Variants in COL7A1 observed in about 807,000 individuals in gnomAD.
The protein encoded by COL7A1 is collagen type VII alpha 1 chain, also known as collagen alpha-1(VII) chain.
A neutral mutation model predicts 456.2 loss-of-function variants in COL7A1; 296 were observed. That is an observed-to-expected ratio of 0.65 (90% CI 0.59 to 0.71). The LOEUF (loss-of-function observed/expected upper bound fraction) is 0.71. Ranked by LOEUF, COL7A1 falls within the 30% of genes least tolerant of loss-of-function variation. The probability of loss-of-function intolerance (pLI) is 0.00; values close to 1 mark genes in which losing one functional copy is unlikely to be tolerated. For missense variants in COL7A1, 3,441 were observed against 4,017.2 expected, an observed-to-expected ratio of 0.86 and a Z score of 3.88; for synonymous variants, 1,464 against 1,525.9, an observed-to-expected ratio of 0.96 and a Z score of 0.95.
At position 48,584,039 on chromosome 3, in the gene COL7A1, T is replaced by TC; in HGVS notation, c.4219dup (p.Glu1407GlyfsTer9). On this transcript the variant is annotated frameshift_variant, in exon 38 of 119. Transcript: ENST00000681320. LOFTEE classifies it high-confidence loss of function. The stretch of plus-strand genomic sequence containing the variant: ...CACAACCTGTCCCTCACTTACCCGC[T>TC]CCCCACGATCGCCTTTGTCACCCTA... 1.9e-6 allele frequency: 3 copies of TC among 1,613,800 alleles called. No homozygotes were observed. Among genetic ancestry groups the TC allele is most frequent in the Non-Finnish European group, 2.5e-6 (3 of 1,179,964 alleles).
At position 48,583,419 on chromosome 3, in the gene COL7A1, C is replaced by A; in HGVS notation, c.4411G>T (p.Gly1471Ter). 1 of 1,614,164 alleles carries A rather than the reference C, an allele frequency of 6.2e-7. No homozygotes were observed. Among genetic ancestry groups the A allele is most frequent in the Non-Finnish European group, 8.5e-7 (1 of 1,180,012 alleles). Residue 1471 changes from glycine (G) to a stop codon, truncating the protein, a stop_gained, in exon 42 of 119, where the codon GGA (glycine) becomes TGA (stop). Coordinates refer to ENST00000681320, the MANE Select transcript of COL7A1 (RefSeq NM_000094.4). LOFTEE classifies it high-confidence loss of function. This position sits in a 1 kb window ranked among gnomAD's most constrained non-coding sequence, Gnocchi z 5.1. ...TTGGGGCCAATAGCTCCAGGAGGTC[C>A]CCGTGGGCCCTGGAAGGGATGAATT... ...PGSPGEQGPR[G>*]PPGAIGPKGD...
Position 48,574,659 on chromosome 3 carries a change from G to A in COL7A1, c.6393+18C>T. The A allele has an allele frequency of 6.2e-7, 1 of 1,613,908 alleles. No homozygotes were observed. The highest frequency in any genetic ancestry group is 8.5e-7 in the Non-Finnish European group (1 of 1,179,968). ...AGAAAGGAGGGGGACTCTATGGAAGGGTGGAGAGAGGCCTCACCCTGTCTC... is the reference window on the plus strand; with the variant it reads ...AGAAAGGAGGGGGACTCTATGGAAGAGTGGAGAGAGGCCTCACCCTGTCTC... On this transcript the variant is annotated intron_variant, in intron 78 of 118. Coordinates refer to ENST00000681320, the MANE Select transcript of COL7A1 (RefSeq NM_000094.4). The surrounding 1 kb of genome is among the most constrained non-coding windows in gnomAD (Gnocchi z 5.0).
intron 18 of COL7A1, 22 bp from the exon 19 acceptor site, chr3:48,589,017 G>A (rs757457870): frequency 1.2e-6 from 2 of 1,613,152 alleles, no homozygotes; most frequent in Non-Finnish European, 1.7e-6. Flanking sequence ...GGCAAGGTAA[G>A]GGGTCCTGGT....
rs2045567155 is a variant in COL7A1, at chr3:48,589,836, A to T, written c.2051-118T>A. 2.1e-6 allele frequency: 3 copies of T among 1,444,994 alleles called. No individual in the cohort carries two copies. The African/African-American group carries it at 4.2e-5, about 20-fold the overall frequency. The allele number at this position is 1,444,994 out of a possible 1,614,324, so 89.5% of individuals were successfully genotyped here. On this transcript the variant is annotated intron_variant, in intron 16 of 118. Coordinates refer to ENST00000681320, the MANE Select transcript of COL7A1 (RefSeq NM_000094.4). ...CGGGAATTTGATAGAGGAGATGGTG[A>T]ATAGGTCCAGTGGAGGAGTGGGGAG...
Position 48,583,853 on chromosome 3 carries a change from C to A in COL7A1, c.4278+47G>T. On this transcript the variant is annotated intron_variant, in intron 39 of 118. Transcript: ENST00000681320. This position sits in a 1 kb window ranked among gnomAD's most constrained non-coding sequence, Gnocchi z 5.1. ...CACCCAACCACTGCCCCAGGAGAGA[C>A]CCACACCCCTGAGCAGGGCCCCCAG... 1 of 1,613,390 alleles carries A rather than the reference C, an allele frequency of 6.2e-7. No individual in the cohort carries two copies. Among genetic ancestry groups the A allele is most frequent in the Non-Finnish European group, 8.5e-7 (1 of 1,179,570 alleles).
rs774364814 is a variant in COL7A1, at chr3:48,587,416, T to G, written c.2992+4A>C. ...GCCCACCCAAATCCTGGCCTCCCCCTCACCCTGGCCAGGGCCTCTGAGTGG... is the reference window on the plus strand; with the variant it reads ...GCCCACCCAAATCCTGGCCTCCCCCGCACCCTGGCCAGGGCCTCTGAGTGG... On this transcript the variant is annotated splice_donor_region_variant and intron_variant, in intron 23 of 118. Coordinates refer to ENST00000681320, the MANE Select transcript of COL7A1 (RefSeq NM_000094.4). The surrounding 1 kb of genome is among the most constrained non-coding windows in gnomAD (Gnocchi z 6.1). 4 of 1,613,150 alleles carry G rather than the reference T, an allele frequency of 2.5e-6. No individual in the cohort carries two copies. In the South Asian group the frequency reaches 3.3e-5, roughly 13 times the overall value.
chr3:48,564,306 C>G lies in COL7A1; in HGVS notation c.*100G>C. The G allele has an allele frequency of 1.4e-6, 2 of 1,413,136 alleles. No homozygotes were observed. The highest frequency in any genetic ancestry group is 2.0e-6 in the Non-Finnish European group (2 of 999,974). The allele number at this position is 1,413,136 out of a possible 1,614,324, so 87.5% of individuals were successfully genotyped here. ...TAACGGACGTGCACACGCACGCTCA[C>G]GTGCACACAAGCCTCTAGCACCAAG... is the stretch of plus-strand genomic sequence containing the variant. On this transcript the variant is annotated 3_prime_UTR_variant, in exon 119 of 119. Transcript: ENST00000681320. This position sits in a 1 kb window ranked among gnomAD's most constrained non-coding sequence, Gnocchi z 6.0.
In COL7A1 at chr3:48,568,001, C is replaced by T. The variant is rs1473568988; in HGVS notation, c.7875+89G>A. 6.3e-7 allele frequency: 1 copy of T among 1,599,922 alleles called. No homozygotes were observed. The highest frequency in any genetic ancestry group is 1.7e-5 in the Admixed American group (1 of 59,788). ...GGCCTCAGCTACTCCAACCTCTGACCCAGTGCCCTAATATCTGACCCCAGG... is the reference window on the plus strand; with the variant it reads ...GGCCTCAGCTACTCCAACCTCTGACTCAGTGCCCTAATATCTGACCCCAGG... On this transcript the variant is annotated intron_variant, in intron 106 of 118. Coordinates refer to ENST00000681320, the MANE Select transcript of COL7A1 (RefSeq NM_000094.4). This position sits in a 1 kb window ranked among gnomAD's most constrained non-coding sequence, Gnocchi z 5.2.
intron 37 of COL7A1, 61 bp downstream of exon 37, chr3:48,584,237 T>A: frequency 6.5e-7 from 1 of 1,550,342 alleles, no homozygotes; most frequent in African/African-American, 1.4e-5. Flanking sequence ...TGGCAGGGGT[T>A]ATGTGGGTTC....
rs1445163198 is a variant in COL7A1, at chr3:48,565,005, A to T, written c.8621-25T>A. 6.2e-7 allele frequency: 1 copy of T among 1,613,996 alleles called. No homozygotes were observed. Among genetic ancestry groups the T allele is most frequent in the Non-Finnish European group, 8.5e-7 (1 of 1,179,928 alleles). On this transcript the variant is annotated intron_variant, in intron 117 of 118. Transcript: ENST00000681320. This position sits in a 1 kb window ranked among gnomAD's most constrained non-coding sequence, Gnocchi z 4.5. ...TCTGGGCCAATGGGGTCAAGTCAGCAGGGTTTGTGGGAATCAGAGAGGGTT... is the reference window on the plus strand; with the variant it reads ...TCTGGGCCAATGGGGTCAAGTCAGCTGGGTTTGTGGGAATCAGAGAGGGTT...
At position 48,585,930 on chromosome 3, in the gene COL7A1, G is replaced by A; in HGVS notation, c.3759+10C>T. On this transcript the variant is annotated intron_variant, in intron 29 of 118. Transcript: ENST00000681320. This position sits in a 1 kb window ranked among gnomAD's most constrained non-coding sequence, Gnocchi z 4.5. ...CAGCCTCTGTTCACCTCTCGATGAG[G>A]GACTCTTACCTTTGGACAATACACT... 1.2e-6 allele frequency: 2 copies of A among 1,614,122 alleles called. No individual in the cohort carries two copies. The highest frequency in any genetic ancestry group is 2.2e-5 in the South Asian group (2 of 91,092).
chr3:48,568,797 A>G lies in COL7A1; in HGVS notation c.7745T>C (p.Leu2582Pro), dbSNP rs760755454. ...GSAGLPGLRG[L>P]LGPQGQPGAA... The stretch of plus-strand genomic sequence containing the variant: ...GGCAGAACTTGCCTGGGGTCCCAGG[A>G]GTCCACGCAGTCCTGGCAACCCGGC... The change falls in exon 104 of 119, where the codon CTC becomes CCC. Residue 2582 changes from leucine (L) to proline (P), a missense_variant. Coordinates refer to ENST00000681320, the MANE Select transcript of COL7A1 (RefSeq NM_000094.4). This position sits in a 1 kb window ranked among gnomAD's most constrained non-coding sequence, Gnocchi z 5.2. 3 of 1,570,640 alleles carry G rather than the reference A, an allele frequency of 1.9e-6. No homozygotes were observed. The East Asian group carries it at 7.0e-5, about 37-fold the overall frequency.
chr3:48,587,025 C>A lies in COL7A1; in HGVS notation c.3223G>T (p.Val1075Phe). Residue 1075 changes from valine to phenylalanine, a missense_variant, in exon 25 of 119, where the codon GTC becomes TTC. Around this residue, in one of 3 missense-constraint regions of COL7A1, gnomAD observed 444 missense variants for 427.6 expected, o/e 1.04. Coordinates refer to ENST00000681320, the MANE Select transcript of COL7A1 (RefSeq NM_000094.4). The surrounding 1 kb of genome is among the most constrained non-coding windows in gnomAD (Gnocchi z 6.1). The part of the protein sequence containing the change: ...NAHRAEATRR[V>F]LERLVLALGP... ...AGTGCCAACACCAGACGCTCCAGGA[C>A]CCTCCTCGTAGCCTCCGCACGGTGA... The A allele has an allele frequency of 6.2e-7, 1 of 1,605,376 alleles. No homozygotes were observed. Among genetic ancestry groups the A allele is most frequent in the African/African-American group, 1.3e-5 (1 of 74,878 alleles).
In COL7A1 at chr3:48,568,331, A is replaced by G. The variant is rs1575420300; in HGVS notation, c.7795-161T>C. ...GGACAAGGGTCACCATAGGCAGGGG[A>G]CACCATCATAGGCGGCTACTGTGGA... On this transcript the variant is annotated intron_variant, in intron 105 of 118. Transcript: ENST00000681320. This position sits in a 1 kb window ranked among gnomAD's most constrained non-coding sequence, Gnocchi z 5.2. 9.5e-7 allele frequency: 1 copy of G among 1,053,838 alleles called. No homozygotes were observed. Among genetic ancestry groups the G allele is most frequent in the South Asian group, 1.3e-5 (1 of 74,288 alleles). The allele number at this position is 1,053,838 out of a possible 1,614,324, so 65.3% of individuals were successfully genotyped here.
At chr3:48,577,886 G>T (rs1278135211) in intron 65 of COL7A1, among the ~76,000 whole-genome samples, 2 of 152,202 alleles carry the variant, frequency 1.3e-5, no homozygotes, top group African/African-American at 2.4e-5. Flanking sequence ...TATGTTTCCA[G>T]GCCTGGCGCA....
chr3:48,586,167 G>A lies in COL7A1; in HGVS notation c.3630C>T (p.Val1210=). 4 of 1,613,316 alleles carry A rather than the reference G, an allele frequency of 2.5e-6. No individual in the cohort carries two copies. Among genetic ancestry groups the A allele is most frequent in the Non-Finnish European group, 3.4e-6 (4 of 1,180,036 alleles). The part of the protein sequence containing the change: ...LRRLAPGMDS[V]QTFFAVDDGP... ...CATCATCCACGGCGAAGAAGGTCTGGACAGAGTCCATACCCGGCGCCAAGC... is the reference window on the plus strand; with the variant it reads ...CATCATCCACGGCGAAGAAGGTCTGAACAGAGTCCATACCCGGCGCCAAGC... The change falls in exon 28 of 119, where the codon GTC becomes GTT. Residue 1210 remains valine, a synonymous_variant. Transcript: ENST00000681320. The surrounding 1 kb of genome is among the most constrained non-coding windows in gnomAD (Gnocchi z 5.1).
In COL7A1 at chr3:48,587,138, G is replaced by T. The variant is rs201230314; in HGVS notation, c.3140-30C>A. On this transcript the variant is annotated intron_variant, in intron 24 of 118. Coordinates refer to ENST00000681320, the MANE Select transcript of COL7A1 (RefSeq NM_000094.4). The surrounding 1 kb of genome is among the most constrained non-coding windows in gnomAD (Gnocchi z 6.1). ...AGGAAGGGGAACAAGTTACTGAAGCGGGCAGCCCACCCAGACACACCTTTC... is the reference window on the plus strand; with the variant it reads ...AGGAAGGGGAACAAGTTACTGAAGCTGGCAGCCCACCCAGACACACCTTTC... The T allele has an allele frequency of 6.2e-7, 1 of 1,613,346 alleles. No individual in the cohort carries two copies.
rs777787168 is a variant in COL7A1 at position 48,576,267 on chromosome 3, T to G, written c.5802A>C (p.Gly1934=). ...QGLPGERGLR[G]EPGSVPNVDR... ...GGCTCACCGGCACACTTCCAGGCTC[T>G]CCTCGCAGGCCACGCTCTCCAGGGA... Residue 1934 remains glycine (G), a synonymous_variant, in exon 71 of 119, where the codon GGA becomes GGC. Transcript: ENST00000681320. 1 of 1,613,748 alleles carries G rather than the reference T, an allele frequency of 6.2e-7. No homozygotes were observed. Among genetic ancestry groups the G allele is most frequent in the Non-Finnish European group, 8.5e-7 (1 of 1,179,972 alleles).
Position 48,593,311 on chromosome 3 carries a change from T to C in COL7A1, c.520+45A>G, listed in dbSNP as rs1221555178. 5 of 1,614,036 alleles carry C rather than the reference T, an allele frequency of 3.1e-6. No homozygotes were observed. Among genetic ancestry groups the C allele is most frequent in the Non-Finnish European group, 4.2e-6 (5 of 1,180,004 alleles). ...CTCAGTCACCCACATGCTCTCTGAC[T>C]GCCCCCACCCCCCAGCTGACCTGTC... On this transcript the variant is annotated intron_variant, in intron 5 of 118. Coordinates refer to ENST00000681320, the MANE Select transcript of COL7A1 (RefSeq NM_000094.4). This position sits in a 1 kb window ranked among gnomAD's most constrained non-coding sequence, Gnocchi z 4.4.
Sources: gnomAD v4.1 joint callset for allele counts (sites outside exome capture counted in the v4.1 genomes callset) on GRCh38, gnomAD v4.1.1 for gene constraint, gnomAD v4.1.1 regional missense constraint, Gnocchi (gnomAD v3.1) non-coding constraint, MANE v1.5 for transcripts, NCBI Gene and HGNC (gene_info 2026-07-23, HGNC 2026-07-21) for gene names.